Variants in XPOT observed in about 807,000 individuals in gnomAD.
XPOT encodes the protein exportin for tRNA.
A neutral mutation model predicts 128.2 loss-of-function variants in XPOT; 34 were observed. The ratio of observed to expected loss-of-function variants is 0.27; its 90% CI spans 0.20 to 0.35. XPOT has a LOEUF of 0.35. XPOT is among the 10% of genes least tolerant of loss of function. The pLI is 1.00. For synonymous variants in XPOT, 348 were observed against 394.3 expected, an observed-to-expected ratio of 0.88 and a Z score of 1.39; for missense variants, 838 against 1,125.3, an observed-to-expected ratio of 0.74 and a Z score of 3.65.
At chr12:64,442,700 GA>G (rs991014760) in intron 23 of XPOT, 2 of 152,304 alleles carry the variant, frequency 1.3e-5, no homozygotes, top group African/African-American at 4.8e-5. Flanking sequence ...TCTTCCCCAC[GA>G]TTTTTTTGAT....
chr12:64,413,167 C>T (rs1299794683), intron 2 of XPOT, among the ~76,000 whole-genome samples: 2 of 152,184 alleles, frequency 1.3e-5, no homozygotes, highest in African/African-American at 4.8e-5. Context: ...ACCAAGTTAC[C>T]TCATTAACAT....
chr12:64,413,458 C>T (rs779793033), intron 2 of XPOT, among the ~76,000 whole-genome samples: 5 of 152,180 alleles, frequency 3.3e-5, no homozygotes, highest in South Asian at 2.1e-4. Flanking sequence ...ACGGTCCTGT[C>T]GCTCAGGAAA....
intron 2 of XPOT, among the ~76,000 whole-genome samples, chr12:64,411,074 T>C (rs2040034629): frequency 2.0e-5 from 3 of 152,250 alleles, no homozygotes; most frequent in Non-Finnish European, 4.4e-5. Flanking sequence ...ATGTCTCTGC[T>C]ACTAAATAAG....
intron 21 of XPOT, among the ~76,000 whole-genome samples, chr12:64,435,181 C>T (rs919383136): frequency 1.3e-5 from 2 of 152,172 alleles, no homozygotes; most frequent in African/African-American, 4.8e-5. Context: ...ATGTCACAAA[C>T]ATTCTTTCAA....
At position 64,414,979 on chromosome 12, in the gene XPOT, A is replaced by G. The variant is rs755329576; in HGVS notation, c.133A>G (p.Arg45Gly). The G allele has an allele frequency of 2.0e-5, 32 of 1,610,300 alleles. No homozygotes were observed. In the South Asian group the frequency reaches 2.1e-4, roughly 11 times the overall value. Residue 45 changes from arginine to glycine, a missense_variant, in exon 3 of 25, where the codon AGG (arginine) becomes GGG (glycine). This residue lies in a region of XPOT where 761 missense variants were observed against 988.3 expected (regional missense o/e 0.77). Transcript: ENST00000332707. ...WQVCAEALAQ[R>G]TYSDDHVKFF... ...GGTGTGTGCAGAAGCTCTAGCCCAG[A>G]GGACATACAGGTAATTAAAAACAAA...
chr12:64,432,170 A>G (rs2040244912), intron 18 of XPOT, among the ~76,000 whole-genome samples: 1 of 152,210 alleles, frequency 6.6e-6, no homozygotes, highest in South Asian at 2.1e-4. Flanking sequence ...TCAATGTATT[A>G]AAGTCAGTTT....
rs746954944 is a variant in XPOT at position 64,416,660 on chromosome 12, A to C, written c.144-38A>C. On this transcript the variant is annotated intron_variant, in intron 3 of 24. Transcript: ENST00000332707. ...GCCTTTGATTTGTTTTCCTCAGTTC[A>C]TATTCTGCTTATCTCATTTTCTTTT... The C allele has an allele frequency of 3.9e-6, 6 of 1,555,042 alleles. No homozygotes were observed. In the South Asian group the frequency reaches 5.6e-5, roughly 15 times the overall value.
At chr12:64,405,767 C>T (rs2039975080) in intron 1 of XPOT, among the ~76,000 whole-genome samples, 1 of 151,876 alleles carries the variant, frequency 6.6e-6, no homozygotes, top group African/African-American at 2.4e-5. Flanking sequence ...ACAGGTGCGC[C>T]CCGCCACACC....
intron 23 of XPOT, among the ~76,000 whole-genome samples, chr12:64,440,150 A>G (rs2040313473): frequency 1.3e-5 from 2 of 152,138 alleles, no homozygotes; most frequent in South Asian, 2.1e-4. Context: ...CCCATCTCCT[A>G]GAAACTACCA....
intron 22 of XPOT, among the ~76,000 whole-genome samples, chr12:64,436,726 G>A (rs973852217): frequency 1.3e-5 from 2 of 151,960 alleles, no homozygotes; most frequent in African/African-American, 2.4e-5. Flanking sequence ...GAGTACAGGC[G>A]CACGCCACCA....
At chr12:64,439,365 A>G (rs2136036155) in intron 23 of XPOT, 50 bp downstream of exon 23, 1 of 1,501,560 alleles carries the variant, frequency 6.7e-7, no homozygotes, top group East Asian at 2.3e-5. Context: ...CAGTAGTAGC[A>G]GCATTGCCTG....
chr12:64,447,016 A>G (rs2040371815), intron 24 of XPOT, among the ~76,000 whole-genome samples: 3 of 152,200 alleles, frequency 2.0e-5, no homozygotes, highest in African/African-American at 7.2e-5. Context: ...ATCATGTCGG[A>G]AGGCAAGGAG....
At chr12:64,440,156 T>C (rs2136036976) in intron 23 of XPOT, among the ~76,000 whole-genome samples, 1 of 152,316 alleles carries the variant, frequency 6.6e-6, no homozygotes, top group East Asian at 1.9e-4. Flanking sequence ...TCCTAGAAAC[T>C]ACCATTCTAC....
chr12:64,417,074 A>G (rs1243917100), intron 4 of XPOT, among the ~76,000 whole-genome samples: 2 of 152,110 alleles, frequency 1.3e-5, no homozygotes, highest in Non-Finnish European at 2.9e-5. Context: ...GAAACTAGTC[A>G]GATGTGGTGG....
At chr12:64,417,529 C>CAAAAAAAAA (rs55993660) in intron 4 of XPOT, among the ~76,000 whole-genome samples, 1 of 107,134 alleles carries the variant, frequency 9.3e-6, no homozygotes, top group Non-Finnish European at 2.0e-5. Context: ...GACCTTGTCT[C>CAAAAAAAAA]AAAAAAAAAA....
chr12:64,435,119 TC>T (rs2040271835), intron 21 of XPOT, among the ~76,000 whole-genome samples: 1 of 152,212 alleles, frequency 6.6e-6, no homozygotes, highest in South Asian at 2.1e-4. Flanking sequence ...TTTTACAAAT[TC>T]TACTCCTTCG....
intron 2 of XPOT, among the ~76,000 whole-genome samples, chr12:64,414,570 A>T (rs1413957569): frequency 6.6e-6 from 1 of 152,082 alleles, no homozygotes; most frequent in Admixed American, 6.6e-5. Flanking sequence ...CCCTTAACTC[A>T]TCCTCTGCAA....
chr12:64,410,208 C>G (rs1336530262), intron 2 of XPOT, 113 bp downstream of exon 2: 7 of 893,586 alleles, frequency 7.8e-6, no homozygotes, highest in Admixed American at 4.9e-5. Flanking sequence ...TGAACAGAAA[C>G]AAAAAAATTT....
At chr12:64,432,592 T>G (rs2040249121) in intron 18 of XPOT, among the ~76,000 whole-genome samples, 5 of 152,226 alleles carry the variant, frequency 3.3e-5, no homozygotes, top group Admixed American at 3.3e-4. Context: ...TTTGTACATT[T>G]ACTCATTTGA....
Sources: gnomAD v4.1 joint callset for allele counts (sites outside exome capture counted in the v4.1 genomes callset) on GRCh38, gnomAD v4.1.1 for gene constraint, gnomAD v4.1.1 regional missense constraint, MANE v1.5 for transcripts, NCBI Gene and HGNC (gene_info 2026-07-23, HGNC 2026-07-21) for gene names.